AP3B1: variants seen among roughly 807,000 people sequenced by gnomAD.
AP3B1 encodes AP-3 complex subunit beta-1.
A neutral mutation model predicts 132.5 loss-of-function variants in AP3B1; 61 were observed. The observed-to-expected ratio is 0.46, with a 90% confidence interval of 0.37 to 0.57. The LOEUF (loss-of-function observed/expected upper bound fraction) is 0.57, where lower values mean the gene tolerates loss of function less well. Ranked by LOEUF, AP3B1 falls within the 20% of genes least tolerant of loss-of-function variation. The pLI, the probability that AP3B1 is intolerant of heterozygous loss-of-function variation, is 0.00. For missense variants in AP3B1, 1,120 were observed against 1,289.4 expected (o/e 0.87, Z 2.01); for synonymous variants, 388 against 438.3 (o/e 0.89, Z 1.43).
Position 78,012,914 on chromosome 5 carries a change from CA to C in AP3B1, c.3131+2495del, listed in dbSNP as rs374797324. 6.5e-4 allele frequency among the ~76,000 whole-genome samples: 99 copies of C among 152,282 alleles called. No homozygotes were observed. The East Asian group carries it at 0.018, about 27-fold the overall frequency. On this transcript the variant is annotated intron_variant, in intron 26 of 26. Coordinates refer to ENST00000255194, the MANE Select transcript of AP3B1 (RefSeq NM_003664.5). ...GTATTACAGGTATTACATTCCAAACCAGCAAGACAAGTTACTGGCAAACTAT... is the reference window on the plus strand; with the variant it reads ...GTATTACAGGTATTACATTCCAAACCGCAAGACAAGTTACTGGCAAACTAT...
intron 24 of AP3B1, among the ~76,000 whole-genome samples, chr5:78,031,609 G>C (rs1401308584): frequency 1.3e-5 from 2 of 152,140 alleles, no homozygotes; most frequent in African/African-American, 4.8e-5. Context: ...GGAACTAAGG[G>C]GCTGGAAGCA....
At chr5:78,121,146 G>C (rs182185559) in intron 17 of AP3B1, among the ~76,000 whole-genome samples, 1 of 151,956 alleles carries the variant, frequency 6.6e-6, no homozygotes, top group Non-Finnish European at 1.5e-5. Flanking sequence ...TGAAACCAAC[G>C]AGAACAAAGA....
chr5:78,227,850 TA>T (rs1465009059), intron 4 of AP3B1, among the ~76,000 whole-genome samples: 1 of 152,230 alleles, frequency 6.6e-6, no homozygotes. Flanking sequence ...AAATGTCTTA[TA>T]ACCCCTTTTG....
intron 2 of AP3B1, among the ~76,000 whole-genome samples, chr5:78,252,835 T>G (rs369103806): frequency 1.3e-5 from 2 of 152,326 alleles, no homozygotes; most frequent in African/African-American, 4.8e-5. Context: ...ACAGGCCTGG[T>G]TGGCTTTGCT....
At chr5:78,277,605 G>A (rs973702663) in intron 1 of AP3B1, among the ~76,000 whole-genome samples, 1 of 152,092 alleles carries the variant, frequency 6.6e-6, no homozygotes, top group Non-Finnish European at 1.5e-5. Context: ...AATCATACAA[G>A]ATAACAGAGC....
At chr5:78,169,533 A>G (rs1346668616) in intron 11 of AP3B1, among the ~76,000 whole-genome samples, 1 of 152,090 alleles carries the variant, frequency 6.6e-6, no homozygotes, top group Non-Finnish European at 1.5e-5. Flanking sequence ...GGATCAAGCA[A>G]TCTGCCCACC....
chr5:78,038,991 C>T, intron 23 of AP3B1, 52 bp downstream of exon 23: 1 of 1,102,182 alleles, frequency 9.1e-7, no homozygotes, highest in Non-Finnish European at 1.3e-6. Flanking sequence ...TTAAAATGAA[C>T]ATATTTAGTG....
intron 17 of AP3B1, among the ~76,000 whole-genome samples, chr5:78,117,944 C>T (rs1328603591): frequency 6.6e-6 from 1 of 152,072 alleles, no homozygotes; most frequent in African/African-American, 2.4e-5. Flanking sequence ...TTGAGTTTTT[C>T]CTATGTGCAA....
chr5:78,274,986 G>A (rs1748714625), intron 1 of AP3B1, among the ~76,000 whole-genome samples: 1 of 151,998 alleles, frequency 6.6e-6, no homozygotes, highest in Admixed American at 6.6e-5. Context: ...GGGCCAGAAA[G>A]TAAATATTTT....
At chr5:78,048,721 C>T (rs1477042826) in intron 22 of AP3B1, among the ~76,000 whole-genome samples, 1 of 152,152 alleles carries the variant, frequency 6.6e-6, no homozygotes, top group Non-Finnish European at 1.5e-5. Flanking sequence ...GTTCTTGATG[C>T]CCAGACACAT....
At chr5:78,255,633 A>C (rs1747817257) in intron 2 of AP3B1, among the ~76,000 whole-genome samples, 1 of 152,086 alleles carries the variant, frequency 6.6e-6, no homozygotes, top group Non-Finnish European at 1.5e-5. Flanking sequence ...GACAGGCCCA[A>C]ATGCAATAAC....
intron 21 of AP3B1, among the ~76,000 whole-genome samples, chr5:78,096,917 C>T (rs1282164518): frequency 2.6e-4 from 38 of 147,192 alleles, no homozygotes; most frequent in Admixed American, 2.4e-3. Context: ...GCCAGCCGCC[C>T]TGTCCGGGAG....
rs542644999 is a variant in AP3B1 at position 78,055,829 on chromosome 5, G to A, written c.2578-16555C>T. On this transcript the variant is annotated intron_variant, in intron 22 of 26. Transcript: ENST00000255194. ...ACTTTTAAAAACAAATCCATAAACT[G>A]AGATTAGAATTGTCTTTAAAATATC... Among the ~76,000 whole-genome samples, 5 of 152,216 alleles carry A rather than the reference G, an allele frequency of 3.3e-5. No homozygotes were observed. The South Asian group carries it at 1.0e-3, about 32-fold the overall frequency.
intron 22 of AP3B1, among the ~76,000 whole-genome samples, chr5:78,046,044 C>G (rs976611274): frequency 2.0e-5 from 3 of 152,112 alleles, no homozygotes; most frequent in Non-Finnish European, 4.4e-5. Flanking sequence ...GGTACCTTTA[C>G]AAAAAAAGTT....
intron 6 of AP3B1, among the ~76,000 whole-genome samples, chr5:78,224,230 T>A (rs919754220): frequency 6.6e-6 from 1 of 152,122 alleles, no homozygotes; most frequent in Non-Finnish European, 1.5e-5. Flanking sequence ...TCCTACGTTA[T>A]ACCAACTATG....
At chr5:78,171,273 A>C (rs926614975) in intron 11 of AP3B1, among the ~76,000 whole-genome samples, 3 of 152,140 alleles carry the variant, frequency 2.0e-5, no homozygotes, top group African/African-American at 7.2e-5. Context: ...CTGTGAAGGA[A>C]GTCATTGGTA....
intron 21 of AP3B1, among the ~76,000 whole-genome samples, chr5:78,097,022 GC>G (rs1484678717): frequency 1.6e-5 from 2 of 125,948 alleles, no homozygotes; most frequent in Non-Finnish European, 3.3e-5. Context: ...GGGGGGGTCA[GC>G]CCCCCGCCCG....
chr5:78,121,964 C>T (rs1490665651), intron 17 of AP3B1: 13 of 152,160 alleles, frequency 8.5e-5, no homozygotes, highest in South Asian at 2.1e-4. Context: ...ACTGGCAAAC[C>T]GAATCCAGCA....
At chr5:78,228,304 C>T in intron 3 of AP3B1, 65 bp from the exon 4 acceptor site, 1 of 1,076,552 alleles carries the variant, frequency 9.3e-7, no homozygotes, top group Non-Finnish European at 1.4e-6. Context: ...TTTGCTATAC[C>T]AAAATCCATG....
Sources: gnomAD v4.1 joint callset for allele counts (sites outside exome capture counted in the v4.1 genomes callset) on GRCh38, gnomAD v4.1.1 for gene constraint, MANE v1.5 for transcripts, NCBI Gene and HGNC (gene_info 2026-07-23, HGNC 2026-07-21) for gene names.